The following SULF2 variants were observed in gnomAD, a reference collection of about 807,000 sequenced individuals.
SULF2 encodes sulfatase 2.
In SULF2, 52 loss-of-function variants were observed where a neutral mutation model predicts 107.7. The ratio of observed to expected loss-of-function variants is 0.48; its 90% confidence interval spans 0.39 to 0.61. SULF2 has a LOEUF of 0.61. Ranked by LOEUF, SULF2 falls within the 20% of genes least tolerant of loss-of-function variation. The pLI is 0.00. For missense variants in SULF2, 993 were observed against 1,177.3 expected, an observed-to-expected ratio of 0.84 and a Z score of 2.29; for synonymous variants, 460 against 464.3, an observed-to-expected ratio of 0.99 and a Z score of 0.12.
intron 18 of SULF2, 63 bp from the exon 19 acceptor site, chr20:47,659,793 A>C: frequency 8.0e-7 from 1 of 1,250,454 alleles, no homozygotes; most frequent in Non-Finnish European, 1.2e-6. Context: ...CAACCCCAAC[A>C]CACCAGAAAA....
intron 15 of SULF2, 102 bp downstream of exon 15, chr20:47,664,028 G>T (rs990307245): frequency 2.4e-6 from 3 of 1,273,616 alleles, no homozygotes; most frequent in Non-Finnish European, 2.2e-6. Context: ...CCAGGGAAGG[G>T]CCTGGACTTC....
At chr20:47,673,512 C>T (rs2146452553) in intron 10 of SULF2, among the ~76,000 whole-genome samples, 1 of 152,168 alleles carries the variant, frequency 6.6e-6, no homozygotes, top group Non-Finnish European at 1.5e-5. Flanking sequence ...CTCTGCTGCA[C>T]CGTCTGCCCC....
At position 47,665,934 on chromosome 20, in the gene SULF2, C is replaced by G. The variant is rs750484891; in HGVS notation, c.1825G>C (p.Asp609His). Reference protein sequence around the residue: ...VTHRCYILENDTVQCDLDLYK... With the variant: ...VTHRCYILENHTVQCDLDLYK... ...AGGTCCAGGTCACACTGGACTGTGTCGTTCTCTAGGATGTAGCACCTGCTT... is the reference window on the plus strand; with the variant it reads ...AGGTCCAGGTCACACTGGACTGTGTGGTTCTCTAGGATGTAGCACCTGCTT... Residue 609 changes from aspartate to histidine, a missense_variant, in exon 13 of 21, where the codon GAC becomes CAC. Coordinates refer to ENST00000688720, the MANE Select transcript of SULF2 (RefSeq NM_001387048.1). 6.2e-7 allele frequency: 1 copy of G among 1,614,070 alleles called. No homozygotes were observed. The highest frequency in any genetic ancestry group is 8.5e-7 in the Non-Finnish European group (1 of 1,180,006).
At position 47,717,813 on chromosome 20, in the gene SULF2, ATTTTTT is replaced by A. The variant is rs11484145; in HGVS notation, c.416-15149_416-15144del. On this transcript the variant is annotated intron_variant, in intron 3 of 20. Coordinates refer to ENST00000688720, the MANE Select transcript of SULF2 (RefSeq NM_001387048.1). ...CCAGAAGTGTAGGGTTTCAGAGATA[ATTTTTT>A]TTTTTTTTTTTTGAGATGGAGTCTC... 4.5e-3 allele frequency among the ~76,000 whole-genome samples: 608 copies of A among 135,452 alleles called. 4 individuals carry two copies. The highest frequency in any genetic ancestry group is 0.016 in the African/African-American group (590 of 36,378). 88.9% of individuals were successfully genotyped at this position (135,452 alleles called of 152,430 possible).
In SULF2 at chr20:47,731,592, T is replaced by A. The variant is rs1372710766; in HGVS notation, c.415+5111A>T. On this transcript the variant is annotated intron_variant, in intron 3 of 20. Coordinates refer to ENST00000688720, the MANE Select transcript of SULF2 (RefSeq NM_001387048.1). ...AATCTATTGCCATGAGCATCACACA[T>A]CTTCAAGAGCAAACAGGGCAGCCAG... Among the ~76,000 whole-genome samples, 12 of 152,152 alleles carry A rather than the reference T, an allele frequency of 7.9e-5. 1 individual carries two copies. Among genetic ancestry groups the A allele is most frequent in the Admixed American group, 7.9e-4 (12 of 15,272 alleles).
At chr20:47,774,062 G>T (rs2090680748) in intron 1 of SULF2, among the ~76,000 whole-genome samples, 1 of 152,244 alleles carries the variant, frequency 6.6e-6, no homozygotes, top group South Asian at 2.1e-4. Flanking sequence ...CTTGGAAACA[G>T]CCCGACACTT....
intron 11 of SULF2, among the ~76,000 whole-genome samples, chr20:47,670,628 GAGA>G (rs1006183271): frequency 1.6e-5 from 1 of 64,076 alleles, no homozygotes; most frequent in African/African-American, 6.7e-5. Context: ...CAAGCTCATA[GAGA>G]AGAAGAGTGG....
chr20:47,686,936 A>G (rs1345889353), intron 5 of SULF2, among the ~76,000 whole-genome samples: 1 of 152,146 alleles, frequency 6.6e-6, no homozygotes, highest in African/African-American at 2.4e-5. Flanking sequence ...CATGTAGAAC[A>G]TTCCCAGGAA....
chr20:47,695,006 T>C (rs889007636), intron 4 of SULF2, among the ~76,000 whole-genome samples: 35 of 152,188 alleles, frequency 2.3e-4, no homozygotes, highest in Admixed American at 7.9e-4. Context: ...TCCATCTTTT[T>C]CTCCCCGCCA....
At chr20:47,728,479 T>G (rs1224666286) in intron 3 of SULF2, among the ~76,000 whole-genome samples, 1 of 145,204 alleles carries the variant, frequency 6.9e-6, no homozygotes, top group African/African-American at 2.6e-5. Flanking sequence ...GAGAAAGGAG[T>G]GTGGAAGAGA....
At chr20:47,783,637 TA>T (rs774700499) in intron 1 of SULF2, among the ~76,000 whole-genome samples, 73 of 152,068 alleles carry the variant, frequency 4.8e-4, no homozygotes, top group African/African-American at 1.7e-3. Context: ...TAAATTCAAA[TA>T]AAAAACCCAA....
In SULF2 at chr20:47,661,897, C is replaced by T; in HGVS notation, c.2371-1G>A. The T allele has an allele frequency of 6.5e-7, 1 of 1,542,174 alleles. No homozygotes were observed. The highest frequency in any genetic ancestry group is 8.8e-7 in the Non-Finnish European group (1 of 1,132,902). The stretch of plus-strand genomic sequence containing the variant: ...CCAGTGTGTTCACTGCATTCATCAG[C>T]TGGTTGCAAAAAAGGTAGTCTGTCA... On this transcript the variant is annotated splice_acceptor_variant, in intron 17 of 20. Coordinates refer to ENST00000688720, the MANE Select transcript of SULF2 (RefSeq NM_001387048.1). LOFTEE classifies it high-confidence loss of function.
At chr20:47,724,422 CT>C in intron 3 of SULF2, among the ~76,000 whole-genome samples, 1 of 152,314 alleles carries the variant, frequency 6.6e-6, no homozygotes, top group East Asian at 1.9e-4. Flanking sequence ...CACCAAGGCC[CT>C]GCTGACTGGT....
At chr20:47,717,813 A>ATTTTT (rs11484145) in intron 3 of SULF2, among the ~76,000 whole-genome samples, 1 of 135,462 alleles carries the variant, frequency 7.4e-6, no homozygotes, top group Non-Finnish European at 1.6e-5. Context: ...TTCAGAGATA[A>ATTTTT]TTTTTTTTTT....
At chr20:47,751,077 C>A (rs1475013023) in intron 2 of SULF2, among the ~76,000 whole-genome samples, 1 of 152,274 alleles carries the variant, frequency 6.6e-6, no homozygotes, top group Middle Eastern at 3.4e-3. Context: ...CTTGTTAACT[C>A]TTGCATTAGA....
intron 11 of SULF2, among the ~76,000 whole-genome samples, chr20:47,670,994 C>G (rs2087450872): frequency 6.6e-6 from 1 of 151,920 alleles, no homozygotes; most frequent in South Asian, 2.1e-4. Context: ...TTCTAGCCGG[C>G]GGACCCCGAC....
At chr20:47,724,917 A>G (rs2089397653) in intron 3 of SULF2, among the ~76,000 whole-genome samples, 1 of 152,252 alleles carries the variant, frequency 6.6e-6, no homozygotes, top group Non-Finnish European at 1.5e-5. Flanking sequence ...ATTTATAGGT[A>G]ACAAAAGCTA....
At chr20:47,689,144 C>T (rs746742498) in intron 5 of SULF2, among the ~76,000 whole-genome samples, 17 of 152,298 alleles carry the variant, frequency 1.1e-4, no homozygotes, top group Non-Finnish European at 2.2e-4. Context: ...AGTTACCTTA[C>T]CTCTCTGTGC....
At chr20:47,690,861 T>C (rs2088174171) in intron 4 of SULF2, among the ~76,000 whole-genome samples, 1 of 116,880 alleles carries the variant, frequency 8.6e-6, no homozygotes, top group Non-Finnish European at 1.7e-5. Context: ...AAAGCAAGAC[T>C]CTGACTCAAA....
Sources: allele counts gnomAD v4.1 joint callset (sites outside exome capture counted in the v4.1 genomes callset), GRCh38; gene constraint gnomAD v4.1.1; transcripts MANE v1.5; gene names NCBI Gene and HGNC (gene_info 2026-07-23, HGNC 2026-07-21).